NUDC: variants seen among roughly 807,000 people sequenced by gnomAD.
NUDC encodes nuclear distribution C, dynein complex regulator, also known as nuclear migration protein nudC.
In NUDC, 14 loss-of-function variants were observed where a neutral mutation model predicts 45.0. The observed-to-expected ratio is 0.31, with a 90% CI of 0.21 to 0.49. The LOEUF is 0.49. Ranked by LOEUF, NUDC falls within the 20% of genes least tolerant of loss-of-function variation. The probability of loss-of-function intolerance (pLI) is 0.99; values close to 1 mark genes in which losing one functional copy is unlikely to be tolerated. For missense variants in NUDC, 323 were observed against 426.2 expected, an observed-to-expected ratio of 0.76 and a Z score of 2.13; for synonymous variants, 153 against 156.7, an observed-to-expected ratio of 0.98 and a Z score of 0.17.
chr1:26,910,229 TGG>T (rs2082020003), intron 2 of NUDC, among the ~76,000 whole-genome samples: 2 of 152,170 alleles, frequency 1.3e-5, no homozygotes, highest in African/African-American at 4.8e-5. Flanking sequence ...AGTGCTTTTC[TGG>T]GCTATAAGTG....
intron 2 of NUDC, among the ~76,000 whole-genome samples, chr1:26,937,560 G>A (rs1482416036): frequency 6.6e-6 from 1 of 152,084 alleles, no homozygotes; most frequent in Non-Finnish European, 1.5e-5. Flanking sequence ...TGGGATTACC[G>A]GTATGAGCCA....
exon 3 of NUDC, chr1:26,911,132 G>C (rs1236546816): frequency 4.2e-6 from 2 of 470,948 alleles, no homozygotes; most frequent in Non-Finnish European, 8.8e-6. Context: ...CTGCAGGAAT[G>C]GGGGAAGTGA....
intron 3 of NUDC, chr1:26,911,896 A>G: frequency 6.2e-7 from 1 of 1,614,062 alleles, no homozygotes; most frequent in Non-Finnish European, 8.5e-7. Context: ...CAACATCTCC[A>G]ATGATAGGGC....
intron 2 of NUDC, among the ~76,000 whole-genome samples, chr1:26,902,561 C>G (rs886749606): frequency 2.0e-5 from 3 of 152,080 alleles, no homozygotes; most frequent in African/African-American, 7.2e-5. Context: ...GCAATAGTTC[C>G]TTTCTTCCCT....
At chr1:26,900,981 G>C (rs1318193063) in intron 1 of NUDC, among the ~76,000 whole-genome samples, 1 of 152,150 alleles carries the variant, frequency 6.6e-6, no homozygotes, top group African/African-American at 2.4e-5. Flanking sequence ...AAGAAATGCA[G>C]CGAGACCCAC....
At chr1:26,915,017 T>TATATG (rs1557668269) in intron 3 of NUDC, among the ~76,000 whole-genome samples, 208 of 88,770 alleles carry the variant, frequency 2.3e-3, no homozygotes, top group African/African-American at 7.2e-3. Flanking sequence ...ATATGTATAT[T>TATATG]TATATGTATA....
At chr1:26,923,992 T>C in intron 1 of NUDC, 97 bp from the exon 2 acceptor site, 1 of 1,083,732 alleles carries the variant, frequency 9.2e-7, no homozygotes, top group Non-Finnish European at 1.4e-6. Context: ...AATAGTCAAG[T>C]CCCAAGTTCC....
At position 26,913,772 on chromosome 1, in the gene NUDC, G is replaced by A. The variant is rs777291973; in HGVS notation, c.93+2537G>A. 1.4e-5 allele frequency: 22 copies of A among 1,566,246 alleles called. No individual in the cohort carries two copies. The East Asian group carries it at 1.8e-4, about 13-fold the overall frequency. ...TTGGCCAGAACATCCAAGGCCTCCC[G>A]GCAGGTGCGATGAGGTGCACATAGC... On this transcript the variant is annotated intron_variant, in intron 3 of 6. Coordinates refer to the NUDC transcript ENST00000435827.
chr1:26,923,168 G>A (rs1041209128), intron 1 of NUDC, among the ~76,000 whole-genome samples: 4 of 152,162 alleles, frequency 2.6e-5, no homozygotes, highest in African/African-American at 9.7e-5. Flanking sequence ...ACTAAGCCAT[G>A]GTTCATGGTT....
intron 2 of NUDC, among the ~76,000 whole-genome samples, chr1:26,937,327 A>G (rs2082243133): frequency 1.3e-5 from 2 of 152,106 alleles, no homozygotes. Flanking sequence ...CAGCGGCGCA[A>G]TCTCGGCTCA....
At chr1:26,933,309 T>A (rs975200247) in intron 2 of NUDC, among the ~76,000 whole-genome samples, 1 of 152,200 alleles carries the variant, frequency 6.6e-6, no homozygotes, top group African/African-American at 2.4e-5. Flanking sequence ...TTGTGCATAG[T>A]ACTTTTGTGA....
At chr1:26,908,993 G>T (rs2082013943) in intron 2 of NUDC, among the ~76,000 whole-genome samples, 2 of 151,186 alleles carry the variant, frequency 1.3e-5, no homozygotes, top group African/African-American at 2.4e-5. Flanking sequence ...TAATTTTTTT[G>T]AGACAGAGTC....
At chr1:26,903,633 C>G (rs1229761759) in intron 2 of NUDC, among the ~76,000 whole-genome samples, 1 of 151,948 alleles carries the variant, frequency 6.6e-6, no homozygotes. Flanking sequence ...TTTGAGAGGC[C>G]GAGGCAGAAG....
At chr1:26,911,406 G>T (rs994870948) in intron 3 of NUDC, 2 of 344,416 alleles carry the variant, frequency 5.8e-6, no homozygotes, top group African/African-American at 4.3e-5. Context: ...TTTTTCCCTT[G>T]GGCTACCTCT....
At chr1:26,931,878 G>C (rs2082186979) in intron 2 of NUDC, among the ~76,000 whole-genome samples, 1 of 151,366 alleles carries the variant, frequency 6.6e-6, no homozygotes, top group African/African-American at 2.4e-5. Flanking sequence ...GTAGAGACAG[G>C]GTTTCAGTAA....
intron 3 of NUDC, chr1:26,912,218 C>T (rs2124068382): frequency 1.1e-6 from 1 of 933,526 alleles, no homozygotes; most frequent in Non-Finnish European, 1.6e-6. Context: ...GGTCCCACTA[C>T]TACCTCCTCC....
intron 1 of NUDC, among the ~76,000 whole-genome samples, chr1:26,923,339 C>G (rs2082106217): frequency 6.6e-6 from 1 of 152,172 alleles, no homozygotes; most frequent in South Asian, 2.1e-4. Context: ...TCTGCAAAGT[C>G]AAAAGGTAAT....
At chr1:26,911,671 A>G (rs1256396881) in intron 3 of NUDC, 1 of 767,542 alleles carries the variant, frequency 1.3e-6, no homozygotes, top group Admixed American at 2.1e-5. Context: ...ACTGTGTCCA[A>G]ACCAAGGAAG....
exon 3 of NUDC, chr1:26,911,165 G>A (rs1163489458): frequency 8.5e-6 from 4 of 470,904 alleles, no homozygotes; most frequent in Non-Finnish European, 1.3e-5. Context: ...TACAGAAATG[G>A]CAGTGAACTT....
Sources: gnomAD v4.1 joint callset for allele counts (sites outside exome capture counted in the v4.1 genomes callset) on GRCh38, gnomAD v4.1.1 for gene constraint, MANE v1.5 for transcripts, NCBI Gene and HGNC (gene_info 2026-07-23, HGNC 2026-07-21) for gene names.